SMTNL1: variants seen among roughly 807,000 people sequenced by gnomAD.
SMTNL1 encodes the protein smoothelin-like protein 1.
Under a neutral mutation model 46.6 loss-of-function variants are expected in SMTNL1, and 41 were observed. The observed-to-expected ratio is 0.88, with a 90% CI of 0.69 to 1.14. The LOEUF (loss-of-function observed/expected upper bound fraction) is 1.14, where lower values mean the gene tolerates loss of function less well. Ranked by LOEUF, SMTNL1 falls within the 50% of genes most tolerant of loss-of-function variation. SMTNL1 has a pLI of 0.00. For missense variants in SMTNL1, 591 were observed against 626.1 expected, an observed-to-expected ratio of 0.94 and a Z score of 0.60; for synonymous variants, 234 against 234.2, an observed-to-expected ratio of 1.00 and a Z score of 0.01.
At chr11:57,544,889 T>G (rs1944909987) in intron 4 of SMTNL1, among the ~76,000 whole-genome samples, 1 of 146,422 alleles carries the variant, frequency 6.8e-6, no homozygotes, top group Non-Finnish European at 1.5e-5. Context: ...CAGGCTGGAG[T>G]GCAATAGTGC....
chr11:57,548,441 G>A lies in SMTNL1; in HGVS notation c.1341-1527G>A, dbSNP rs57813770. Among the ~76,000 whole-genome samples, 279 of 152,212 alleles carry A rather than the reference G, an allele frequency of 1.8e-3. 1 individual carries two copies. The highest frequency in any genetic ancestry group is 0.01 in the East Asian group (54 of 5,172). ...TCCTAGCACTTTAGGAGACCGAGGC[G>A]TGGGGATCACTTGAGGTCAGGAGTT... On this transcript the variant is annotated intron_variant, in intron 7 of 7. Coordinates refer to ENST00000527972, the MANE Select transcript of SMTNL1 (RefSeq NM_001105565.3).
chr11:57,545,858 C>A, intron 4 of SMTNL1, 23 bp from the exon 5 acceptor site: 3 of 1,604,830 alleles, frequency 1.9e-6, no homozygotes, highest in Non-Finnish European at 2.6e-6. Flanking sequence ...CTCTCTCACA[C>A]GTCTTTGGAC....
chr11:57,545,330 C>T (rs563113378), intron 4 of SMTNL1, among the ~76,000 whole-genome samples: 4 of 152,032 alleles, frequency 2.6e-5, no homozygotes, highest in African/African-American at 4.8e-5. Flanking sequence ...CCATGCCAAG[C>T]GCAGTGGCTC....
chr11:57,545,728 G>A (rs1182267345), intron 4 of SMTNL1, among the ~76,000 whole-genome samples, 153 bp from the exon 5 acceptor site: 1 of 151,988 alleles, frequency 6.6e-6, no homozygotes, highest in East Asian at 1.9e-4. Context: ...TGAGACTCAC[G>A]ATTCCTTCTC....
Position 57,543,000 on chromosome 11 carries a change from T to C in SMTNL1, c.358T>C (p.Ser120Pro), listed in dbSNP as rs1301887053. The change falls in exon 2 of 8, where the codon TCT (serine) becomes CCT (proline). Residue 120 changes from serine to proline, a missense_variant. Transcript: ENST00000527972. ...GACTGGCAGGAAAGAAGAGACCAAA[T>C]CTGAACCCAAAGAGGCTGAGGAAAA... is the stretch of plus-strand genomic sequence containing the variant. ...EMTGRKEETK[S>P]EPKEAEEKES... 2 of 1,602,046 alleles carry C rather than the reference T, an allele frequency of 1.2e-6. No individual in the cohort carries two copies. The highest frequency in any genetic ancestry group is 1.7e-6 in the Non-Finnish European group (2 of 1,174,384).
Position 57,546,656 on chromosome 11 carries a change from A to G in SMTNL1, c.1340+4A>G, listed in dbSNP as rs778479649. ...CCCTGGCCTTCTCCACAGCAGAGTA[A>G]GCCACAGCCATGGGCTGGCAGAGCT... On this transcript the variant is annotated splice_donor_region_variant and intron_variant, in intron 7 of 7. Coordinates refer to ENST00000527972, the MANE Select transcript of SMTNL1 (RefSeq NM_001105565.3). 1 of 1,612,584 alleles carries G rather than the reference A, an allele frequency of 6.2e-7. No homozygotes were observed. The highest frequency in any genetic ancestry group is 1.7e-5 in the Admixed American group (1 of 59,780).
rs1352579341 is a variant in SMTNL1, at chr11:57,550,152, C to T, written c.*40C>T. On this transcript the variant is annotated 3_prime_UTR_variant, in exon 8 of 8. Transcript: ENST00000527972. ...CTGTGGGCAGAGATGGGCAGGGTGC[C>T]CAGCTCAGCAGCCACGGCCCGGGGG... The T allele has an allele frequency of 4.4e-6, 7 of 1,584,534 alleles. No individual in the cohort carries two copies. Among genetic ancestry groups the T allele is most frequent in the Non-Finnish European group, 6.0e-6 (7 of 1,164,728 alleles).
At position 57,543,086 on chromosome 11, in the gene SMTNL1, T is replaced by C; in HGVS notation, c.444T>C (p.Ser148=). Residue 148 remains serine (S), a synonymous_variant, in exon 2 of 8, where the codon TCT becomes TCC. Coordinates refer to ENST00000527972, the MANE Select transcript of SMTNL1 (RefSeq NM_001105565.3). ...KAEEKEAKPE[S]GQKADANDRD... is the part of the protein sequence containing the mutation. ...AGGAGAAAGAGGCCAAACCTGAATC[T>C]GGGCAGAAAGCCGATGCCAATGACA... 1 of 1,611,134 alleles carries C rather than the reference T, an allele frequency of 6.2e-7. No individual in the cohort carries two copies. Among genetic ancestry groups the C allele is most frequent in the South Asian group, 1.1e-5 (1 of 90,584 alleles).
intron 1 of SMTNL1, among the ~76,000 whole-genome samples, chr11:57,537,852 G>A (rs561778135): frequency 6.6e-6 from 1 of 152,308 alleles, no homozygotes; most frequent in South Asian, 2.1e-4. Flanking sequence ...ACTGCAAGTG[G>A]CCATCCACGA....
Position 57,550,176 on chromosome 11 carries a change from G to A in SMTNL1, c.*64G>A, listed in dbSNP as rs902090050. 38 of 1,529,572 alleles carry A rather than the reference G, an allele frequency of 2.5e-5. No homozygotes were observed. The African/African-American group carries it at 4.9e-4, about 20-fold the overall frequency. The allele number at this position is 1,529,572 out of a possible 1,614,324, so 94.8% of individuals were successfully genotyped here. A position where few individuals can be genotyped will look rare whatever the true frequency, so the allele number is the denominator to read the frequency against. ...CCCAGCTCAGCAGCCACGGCCCGGG[G>A]GTTCCCTTCTGCTCCATGGAGGCAC... On this transcript the variant is annotated 3_prime_UTR_variant, in exon 8 of 8. Coordinates refer to ENST00000527972, the MANE Select transcript of SMTNL1 (RefSeq NM_001105565.3).
At chr11:57,541,416 G>A (rs754645247) in intron 1 of SMTNL1, 23 of 1,251,144 alleles carry the variant, frequency 1.8e-5, no homozygotes, top group African/African-American at 6.2e-5. Flanking sequence ...GAGCTAACCC[G>A]GGGCCCCCAC....
intron 7 of SMTNL1, among the ~76,000 whole-genome samples, chr11:57,548,780 C>T (rs1267735018): frequency 1.3e-5 from 2 of 152,202 alleles, no homozygotes. Flanking sequence ...TAGCACCTCT[C>T]ACCATCTGAT....
In SMTNL1 at chr11:57,543,296, C is replaced by T. The variant is rs1232216035; in HGVS notation, c.654C>T (p.Pro218=). 6.8e-6 allele frequency: 11 copies of T among 1,613,820 alleles called. No individual in the cohort carries two copies. Among genetic ancestry groups the T allele is most frequent in the East Asian group, 2.2e-5 (1 of 44,860 alleles). The change falls in exon 2 of 8, where the codon CCC becomes CCT. Residue 218 remains proline (P), a synonymous_variant. Transcript: ENST00000527972. ...AGGCTAAGGCTGAACCCAAGGAGCC[C>T]GATGGGAAAGAGGAGGCCAAACATG... ...EDEAKAEPKE[P]DGKEEAKHGA...
Position 57,542,647 on chromosome 11 carries a change from A to G in SMTNL1, c.5A>G (p.Glu2Gly). Reference protein sequence around the residue: MEQKEGKLSEDG... With the variant: MGQKEGKLSEDG... Reference sequence around the variant, plus strand: ...GCTTGTCTTCTCTTTCCAGAGATGGAGCAGAAGGAAGGGAAGCTCTCTGAG... The same window carrying G: ...GCTTGTCTTCTCTTTCCAGAGATGGGGCAGAAGGAAGGGAAGCTCTCTGAG... Residue 2 changes from glutamate (E) to glycine (G), a missense_variant, in exon 2 of 8, where the codon GAG (glutamate) becomes GGG (glycine). Coordinates refer to ENST00000527972, the MANE Select transcript of SMTNL1 (RefSeq NM_001105565.3). The G allele has an allele frequency of 6.2e-7, 1 of 1,603,938 alleles. No individual in the cohort carries two copies. Among genetic ancestry groups the G allele is most frequent in the African/African-American group, 1.3e-5 (1 of 74,700 alleles).
At chr11:57,546,848 T>G (rs1281263352) in intron 7 of SMTNL1, among the ~76,000 whole-genome samples, 196 bp downstream of exon 7, 1 of 152,176 alleles carries the variant, frequency 6.6e-6, no homozygotes, top group East Asian at 1.9e-4. Context: ...AAATCTCTGC[T>G]TGAGTCAAGC....
At position 57,543,387 on chromosome 11, in the gene SMTNL1, G is replaced by A. The variant is rs374719825; in HGVS notation, c.732+13G>A. 278 of 1,610,460 alleles carry A rather than the reference G, an allele frequency of 1.7e-4. 1 individual carries two copies. The Middle Eastern group carries it at 3.7e-3, about 21-fold the overall frequency. ...TGCAGAGGAGGCAGTGAGTGAGGCA[G>A]GAAAGGAGCAAGGAGGCTCTGTCGT... On this transcript the variant is annotated intron_variant, in intron 2 of 7. Coordinates refer to ENST00000527972, the MANE Select transcript of SMTNL1 (RefSeq NM_001105565.3).
rs777613735 is a variant in SMTNL1 at position 57,543,396 on chromosome 11, C to G, written c.732+22C>G. On this transcript the variant is annotated intron_variant, in intron 2 of 7. Coordinates refer to ENST00000527972, the MANE Select transcript of SMTNL1 (RefSeq NM_001105565.3). ...GGCAGTGAGTGAGGCAGGAAAGGAGCAAGGAGGCTCTGTCGTCTCCTGCTT... is the reference window on the plus strand; with the variant it reads ...GGCAGTGAGTGAGGCAGGAAAGGAGGAAGGAGGCTCTGTCGTCTCCTGCTT... 4 of 1,604,184 alleles carry G rather than the reference C, an allele frequency of 2.5e-6. No homozygotes were observed. In the African/African-American group the frequency reaches 5.4e-5, roughly 22 times the overall value.
chr11:57,546,038 T>C lies in SMTNL1; in HGVS notation c.1073+2T>C, dbSNP rs1233082206. The C allele has an allele frequency of 6.3e-7, 1 of 1,578,892 alleles. No individual in the cohort carries two copies. The highest frequency in any genetic ancestry group is 8.6e-7 in the Non-Finnish European group (1 of 1,163,644). On this transcript the variant is annotated splice_donor_variant, in intron 5 of 7. Coordinates refer to ENST00000527972, the MANE Select transcript of SMTNL1 (RefSeq NM_001105565.3). LOFTEE classifies it high-confidence loss of function. Reference sequence around the variant, plus strand: ...AGCCATCGTGGACAAGTTTGGCGGGTAGGACACAGGCCAGGGGCTGGGCTG... The same window carrying C: ...AGCCATCGTGGACAAGTTTGGCGGGCAGGACACAGGCCAGGGGCTGGGCTG...
At chr11:57,540,688 C>T (rs769061104) in intron 1 of SMTNL1, among the ~76,000 whole-genome samples, 12 of 151,796 alleles carry the variant, frequency 7.9e-5, no homozygotes, top group Admixed American at 5.3e-4. Context: ...TGCTGATGTG[C>T]GTCCATCCCC....
Sources: allele counts gnomAD v4.1 joint callset (sites outside exome capture counted in the v4.1 genomes callset), GRCh38; gene constraint gnomAD v4.1.1; transcripts MANE v1.5; gene names NCBI Gene and HGNC (gene_info 2026-07-23, HGNC 2026-07-21).